CPLX1: variants seen among roughly 807,000 people sequenced by gnomAD.
CPLX1 encodes the protein complexin-1.
A neutral mutation model predicts 15.6 loss-of-function variants in CPLX1; 6 were observed. The ratio of observed to expected loss-of-function variants is 0.39; its 90% CI spans 0.21 to 0.76. The LOEUF is 0.76. Ranked by LOEUF, CPLX1 falls within the 30% of genes least tolerant of loss-of-function variation. The pLI is 0.43. For synonymous variants in CPLX1, 91 were observed against 75.2 expected (o/e 1.21, Z -1.08); for missense variants, 242 against 188.6 (o/e 1.28, Z -1.66).
At chr4:798,224 G>A (rs773360280) in intron 2 of CPLX1, among the ~76,000 whole-genome samples, 7 of 140,896 alleles carry the variant, frequency 5.0e-5, no homozygotes, top group Middle Eastern at 4.4e-3. Context: ...GCAGTGAGCC[G>A]AGATGGCACC....
At chr4:816,876 A>G (rs1746766929) in intron 2 of CPLX1, among the ~76,000 whole-genome samples, 1 of 152,188 alleles carries the variant, frequency 6.6e-6, no homozygotes. Flanking sequence ...TAAAGTGTGC[A>G]GAAGTCCTGG....
In CPLX1 at chr4:792,449, T is replaced by G. The variant is rs774426352; in HGVS notation, c.191A>C (p.Gln64Pro). 4 of 1,598,412 alleles carry G rather than the reference T, an allele frequency of 2.5e-6. No individual in the cohort carries two copies. Among genetic ancestry groups the G allele is most frequent in the Non-Finnish European group, 2.6e-6 (3 of 1,173,156 alleles). Residue 64 changes from glutamine to proline, a missense_variant, in exon 3 of 4, where the codon CAG becomes CCG. Coordinates refer to ENST00000304062, the MANE Select transcript of CPLX1 (RefSeq NM_006651.4). The stretch of plus-strand genomic sequence containing the variant: ...GGCGCGCACCTTGTCTCGGATGCCC[T>G]GGCGCACGGCCTCGCGCTCCGCCTC... ...KMEAEREAVR[Q>P]GIRDKYGIKK...
chr4:819,704 G>C (rs1746825873), intron 2 of CPLX1, among the ~76,000 whole-genome samples: 1 of 152,156 alleles, frequency 6.6e-6, no homozygotes, highest in South Asian at 2.1e-4. Context: ...GGCCCACCCT[G>C]GCCCCCACCT....
At chr4:786,765 G>T in intron 3 of CPLX1, 67 bp from the exon 4 acceptor site, 1 of 1,517,746 alleles carries the variant, frequency 6.6e-7, no homozygotes, top group Middle Eastern at 2.4e-4. Context: ...GCCTCCCTGC[G>T]CCAGGGACTG....
At chr4:825,614 G>T (rs1232475349) in intron 1 of CPLX1, among the ~76,000 whole-genome samples, 1 of 151,940 alleles carries the variant, frequency 6.6e-6, no homozygotes, top group Admixed American at 6.6e-5. Context: ...AAAGAAAGAG[G>T]GCGAGGGAGG....
chr4:791,567 T>A (rs1462558874), intron 3 of CPLX1, among the ~76,000 whole-genome samples: 1 of 152,136 alleles, frequency 6.6e-6, no homozygotes, highest in East Asian at 1.9e-4. Flanking sequence ...AAACGGCTTC[T>A]CCACCTGCTC....
intron 2 of CPLX1, among the ~76,000 whole-genome samples, chr4:809,075 G>A (rs537997835): frequency 6.6e-6 from 1 of 152,388 alleles, no homozygotes; most frequent in Admixed American, 6.5e-5. Context: ...AGAGCGGGAG[G>A]AGAGTCTGGC....
Position 786,847 on chromosome 4 carries a change from G to A in CPLX1, c.208-149C>T, listed in dbSNP as rs1451248383. The A allele has an allele frequency of 2.2e-6, 3 of 1,373,386 alleles. No individual in the cohort carries two copies. The South Asian group carries it at 5.1e-5, about 24-fold the overall frequency. 85.1% of individuals were successfully genotyped at this position (1,373,386 alleles called of 1,614,324 possible). On this transcript the variant is annotated intron_variant, in intron 3 of 3. Coordinates refer to ENST00000304062, the MANE Select transcript of CPLX1 (RefSeq NM_006651.4). The stretch of plus-strand genomic sequence containing the variant: ...GCACACAAGGACCCCAGAAGGAGAA[G>A]AGACCCCACCCCGGGGGGTCCCTGG...
chr4:822,444 G>C (rs1746889483), intron 2 of CPLX1, among the ~76,000 whole-genome samples: 1 of 151,886 alleles, frequency 6.6e-6, no homozygotes, highest in African/African-American at 2.4e-5. Context: ...CTCTGTCTCT[G>C]ACGTGCCGTC....
chr4:792,853 G>C (rs1746225962), intron 2 of CPLX1, among the ~76,000 whole-genome samples: 1 of 152,170 alleles, frequency 6.6e-6, no homozygotes, highest in Non-Finnish European at 1.5e-5. Context: ...AAGAGACACA[G>C]GCAACTCCGT....
chr4:793,291 C>A (rs1234022242), intron 2 of CPLX1, among the ~76,000 whole-genome samples: 2 of 151,530 alleles, frequency 1.3e-5, no homozygotes, highest in African/African-American at 4.9e-5. Context: ...TGGCAGGGGC[C>A]CTGCTGGGGC....
At chr4:813,382 G>A (rs182857233) in intron 2 of CPLX1, among the ~76,000 whole-genome samples, 71 of 152,216 alleles carry the variant, frequency 4.7e-4, no homozygotes, top group African/African-American at 1.6e-3. Flanking sequence ...GCAGGTGCAC[G>A]GATGGGCTCT....
intron 3 of CPLX1, among the ~76,000 whole-genome samples, chr4:788,756 C>T (rs1746078180): frequency 6.6e-6 from 1 of 151,998 alleles, no homozygotes; most frequent in African/African-American, 2.4e-5. Flanking sequence ...TAGGTCCGGC[C>T]AGAGAGCCTC....
At chr4:810,301 G>A (rs775556600) in intron 2 of CPLX1, among the ~76,000 whole-genome samples, 10 of 151,754 alleles carry the variant, frequency 6.6e-5, no homozygotes, top group Admixed American at 1.3e-4. Flanking sequence ...CACCCGCCTC[G>A]GCCTCCCAAA....
chr4:804,838 G>A lies in CPLX1; in HGVS notation c.32-12230C>T, dbSNP rs182330151. ...GCCTGGAGGCCGGCAAGCGTGGGGA[G>A]CGACGTGCTCAGCCTCCACGGGAAA... On this transcript the variant is annotated intron_variant, in intron 2 of 3. Transcript: ENST00000304062. 4.7e-3 allele frequency: 4,653 copies of A among 983,484 alleles called. 13 individuals are homozygous for A. Among genetic ancestry groups the A allele is most frequent in the Non-Finnish European group, 5.2e-3 (4,333 of 828,806 alleles). 60.9% of individuals were successfully genotyped at this position (983,484 alleles called of 1,614,324 possible).
chr4:792,663 T>C, intron 2 of CPLX1, 55 bp from the exon 3 acceptor site: 3 of 1,549,430 alleles, frequency 1.9e-6, no homozygotes, highest in Non-Finnish European at 2.6e-6. Flanking sequence ...AGGGCCGGGC[T>C]AGTGTCTCAG....
intron 2 of CPLX1, among the ~76,000 whole-genome samples, chr4:808,722 G>T (rs531267334): frequency 6.6e-6 from 1 of 152,168 alleles, no homozygotes; most frequent in Non-Finnish European, 1.5e-5. Flanking sequence ...ACCCAGACAG[G>T]AAATAAGATG....
chr4:823,410 T>C (rs1357298267), intron 2 of CPLX1, among the ~76,000 whole-genome samples: 9 of 152,192 alleles, frequency 5.9e-5, no homozygotes, highest in Admixed American at 5.2e-4. Context: ...GCCTGCCCTC[T>C]GTACACCCTT....
chr4:795,808 G>A (rs529832610), intron 2 of CPLX1, among the ~76,000 whole-genome samples: 2 of 152,088 alleles, frequency 1.3e-5, no homozygotes, highest in African/African-American at 2.4e-5. Flanking sequence ...GAGGGGGTGG[G>A]GGGGGGGTGC....
Sources: gnomAD v4.1 joint callset for allele counts (sites outside exome capture counted in the v4.1 genomes callset) on GRCh38, gnomAD v4.1.1 for gene constraint, MANE v1.5 for transcripts, NCBI Gene and HGNC (gene_info 2026-07-23, HGNC 2026-07-21) for gene names.